SLC2A13: variants seen among roughly 807,000 people sequenced by gnomAD.
The protein encoded by SLC2A13 is solute carrier family 2 member 13.
SLC2A13 carries 32 observed loss-of-function variants against 64.4 expected under a neutral mutation model. The observed-to-expected ratio is 0.50, with a 90% CI of 0.37 to 0.67. SLC2A13 has a LOEUF of 0.67. SLC2A13 is among the 30% of genes least tolerant of loss of function. The pLI, the probability that SLC2A13 is intolerant of heterozygous loss-of-function variation, is 0.00. For synonymous variants in SLC2A13, 338 were observed against 327.1 expected (o/e 1.03, Z -0.36); for missense variants, 743 against 829.2 (o/e 0.90, Z 1.28).
chr12:40,030,941 T>G (rs1419291743), intron 2 of SLC2A13, among the ~76,000 whole-genome samples: 1 of 152,234 alleles, frequency 6.6e-6, no homozygotes, highest in Non-Finnish European at 1.5e-5. Flanking sequence ...CTGCCAATCC[T>G]TAAGCATATT....
At chr12:39,978,061 G>A (rs994021240) in intron 3 of SLC2A13, among the ~76,000 whole-genome samples, 1 of 152,214 alleles carries the variant, frequency 6.6e-6, no homozygotes, top group African/African-American at 2.4e-5. Context: ...TCTCACTGCA[G>A]TATATCTGGC....
intron 2 of SLC2A13, among the ~76,000 whole-genome samples, chr12:40,036,560 T>C (rs1051562424): frequency 3.9e-5 from 6 of 152,242 alleles, no homozygotes; most frequent in Non-Finnish European, 8.8e-5. Flanking sequence ...ATGGGGAATG[T>C]ACTGTTTTGT....
intron 5 of SLC2A13, among the ~76,000 whole-genome samples, 171 bp downstream of exon 5, chr12:39,871,627 T>C (rs936103791): frequency 5.3e-5 from 8 of 152,080 alleles, no homozygotes; most frequent in African/African-American, 1.9e-4. Flanking sequence ...AGCGTAACAG[T>C]TGTTAAAAGC....
chr12:40,000,409 A>C (rs1256461153), intron 3 of SLC2A13, among the ~76,000 whole-genome samples: 1 of 152,224 alleles, frequency 6.6e-6, no homozygotes, highest in Admixed American at 6.5e-5. Flanking sequence ...ATTTACATTA[A>C]GGTCATCAGG....
At chr12:39,815,774 C>T (rs188184851) in intron 7 of SLC2A13, among the ~76,000 whole-genome samples, 1 of 152,094 alleles carries the variant, frequency 6.6e-6, no homozygotes, top group Admixed American at 6.6e-5. Context: ...TCTGACATTC[C>T]CAGTCTGGAA....
chr12:39,963,268 C>G lies in SLC2A13; in HGVS notation c.926-11903G>C, dbSNP rs1366986823. Among the ~76,000 whole-genome samples, 7 of 117,736 alleles carry G rather than the reference C, an allele frequency of 5.9e-5. No homozygotes were observed. The Admixed American group carries it at 8.7e-4, about 15-fold the overall frequency. The allele number at this position is 117,736 out of a possible 152,430, so 77.2% of individuals were successfully genotyped here. ...CGGCACTGCACTCCAGCCTGGGCGA[C>G]AGAGCGAGACTCCGTCTCAAAAAAA... On this transcript the variant is annotated intron_variant, in intron 3 of 9. Coordinates refer to ENST00000280871, the MANE Select transcript of SLC2A13 (RefSeq NM_052885.4).
intron 6 of SLC2A13, among the ~76,000 whole-genome samples, chr12:39,860,991 C>T (rs1403422636): frequency 6.6e-6 from 1 of 152,222 alleles, no homozygotes; most frequent in South Asian, 2.1e-4. Flanking sequence ...TGAGGCTCTA[C>T]ATGATTTGGC....
At chr12:39,911,598 T>C (rs1945432494) in intron 4 of SLC2A13, among the ~76,000 whole-genome samples, 1 of 152,108 alleles carries the variant, frequency 6.6e-6, no homozygotes, top group East Asian at 1.9e-4. Context: ...GTAAGTACAG[T>C]ACCCCAAATT....
intron 7 of SLC2A13, among the ~76,000 whole-genome samples, chr12:39,782,329 ATTGAAT>A (rs1333876694): frequency 2.0e-5 from 3 of 152,088 alleles, no homozygotes; most frequent in South Asian, 2.1e-4. Flanking sequence ...GGGGGAGCTA[ATTGAAT>A]CATGGGGGCG....
chr12:40,063,881 C>T lies in SLC2A13; in HGVS notation c.557-15671G>A, dbSNP rs550738462. Among the ~76,000 whole-genome samples the T allele has an allele frequency of 5.3e-5, 8 of 152,120 alleles. No homozygotes were observed. The South Asian group carries it at 1.5e-3, about 28-fold the overall frequency. On this transcript the variant is annotated intron_variant, in intron 1 of 9. Coordinates refer to ENST00000280871, the MANE Select transcript of SLC2A13 (RefSeq NM_052885.4). ...TTCTTACACAAAATATATCAAACTT[C>T]GAATTATTTTTCTCCAGTGATTTTT...
At position 39,757,535 on chromosome 12, in the gene SLC2A13, G is replaced by GTAA. The variant is rs1940001272; in HGVS notation, c.*2488_*2490dup. The stretch of plus-strand genomic sequence containing the variant: ...CTAATTGTATAAGGTTCCTTTTCAA[G>GTAA]TAATTGTTTCTAAAAAGTTATAAAT... On this transcript the variant is annotated 3_prime_UTR_variant, in exon 10 of 10. Transcript: ENST00000280871. 1 of 151,510 alleles carries GTAA rather than the reference G, an allele frequency of 6.6e-6. No individual in the cohort carries two copies. Among genetic ancestry groups the GTAA allele is most frequent in the African/African-American group, 2.4e-5 (1 of 41,328 alleles). 9.4% of individuals were successfully genotyped at this position (151,510 alleles called of 1,614,324 possible). A position where few individuals can be genotyped will look rare whatever the true frequency, so the allele number is the denominator to read the frequency against.
At chr12:39,970,724 T>A (rs1200966674) in intron 3 of SLC2A13, among the ~76,000 whole-genome samples, 1 of 152,226 alleles carries the variant, frequency 6.6e-6, no homozygotes, top group East Asian at 1.9e-4. Context: ...ATCTTTTTCT[T>A]GATCACCAAA....
chr12:39,964,978 A>C (rs564229945), intron 3 of SLC2A13, among the ~76,000 whole-genome samples: 1 of 152,324 alleles, frequency 6.6e-6, no homozygotes, highest in East Asian at 1.9e-4. Context: ...AAAAATTATT[A>C]GATAAGCCAT....
In SLC2A13 at chr12:40,028,079, A is replaced by C. The variant is rs548753945; in HGVS notation, c.925+222T>G. Reference sequence around the variant, plus strand: ...AAACGAAGCATTTTAATTTTTTACAAAGATTATTTTGAAAACAGTTCAATA... The same window carrying C: ...AAACGAAGCATTTTAATTTTTTACACAGATTATTTTGAAAACAGTTCAATA... On this transcript the variant is annotated intron_variant, in intron 3 of 9. Transcript: ENST00000280871. 5.9e-5 allele frequency among the ~76,000 whole-genome samples: 9 copies of C among 152,274 alleles called. 1 individual carries two copies. In the South Asian group the frequency reaches 1.9e-3, roughly 32 times the overall value.
chr12:39,848,376 C>A (rs1943376633), intron 6 of SLC2A13, among the ~76,000 whole-genome samples: 1 of 152,224 alleles, frequency 6.6e-6, no homozygotes, highest in East Asian at 1.9e-4. Context: ...CATGAACAGA[C>A]ACCTCTCAAA....
chr12:39,929,199 C>G (rs1194245908), intron 4 of SLC2A13, among the ~76,000 whole-genome samples: 1 of 152,112 alleles, frequency 6.6e-6, no homozygotes, highest in African/African-American at 2.4e-5. Context: ...TCTCATTGAA[C>G]TTTTCACAGG....
intron 7 of SLC2A13, among the ~76,000 whole-genome samples, chr12:39,812,210 G>A (rs1340772652): frequency 6.6e-6 from 1 of 152,046 alleles, no homozygotes; most frequent in Non-Finnish European, 1.5e-5. Flanking sequence ...TGGTAGAATG[G>A]AAGAGGGAAT....
chr12:39,891,610 G>T (rs1016914713), intron 4 of SLC2A13, among the ~76,000 whole-genome samples: 3 of 152,140 alleles, frequency 2.0e-5, no homozygotes, highest in Non-Finnish European at 4.4e-5. Context: ...TGGAAATAAT[G>T]AGTATCATTT....
At chr12:39,783,604 C>T (rs1365678391) in intron 7 of SLC2A13, among the ~76,000 whole-genome samples, 2 of 152,186 alleles carry the variant, frequency 1.3e-5, no homozygotes, top group African/African-American at 4.8e-5. Flanking sequence ...CTTTGATTTG[C>T]ATTTCTCTCA....
Sources: allele counts gnomAD v4.1 joint callset (sites outside exome capture counted in the v4.1 genomes callset), GRCh38; gene constraint gnomAD v4.1.1; transcripts MANE v1.5; gene names NCBI Gene and HGNC (gene_info 2026-07-23, HGNC 2026-07-21).